The following SLC9A8 variants were observed in gnomAD, a reference collection of about 807,000 sequenced individuals.
SLC9A8 encodes the protein sodium/hydrogen exchanger 8.
Under a neutral mutation model 66.6 loss-of-function variants are expected in SLC9A8, and 48 were observed. The ratio of observed to expected loss-of-function variants is 0.72; its 90% CI spans 0.57 to 0.92. The LOEUF (loss-of-function observed/expected upper bound fraction) is 0.92. Among genes scored for constraint, SLC9A8 ranks in the 40% least tolerant of loss-of-function variants. SLC9A8 has a pLI of 0.00. For missense variants in SLC9A8, 599 were observed against 747.3 expected (o/e 0.80, Z 2.31); for synonymous variants, 274 against 282.6 (o/e 0.97, Z 0.31).
At chr20:49,867,300 C>T (rs765387262) in intron 10 of SLC9A8, among the ~76,000 whole-genome samples, 1 of 152,120 alleles carries the variant, frequency 6.6e-6, no homozygotes, top group Non-Finnish European at 1.5e-5. Context: ...TCTTCTGGCA[C>T]GTATCTAAGT....
chr20:49,823,241 C>A, intron 3 of SLC9A8, 100 bp downstream of exon 3: 1 of 885,952 alleles, frequency 1.1e-6, no homozygotes, highest in South Asian at 1.4e-5. Flanking sequence ...TGCATCACAT[C>A]CCTGATCTCA....
At chr20:49,877,035 C>T (rs2089451322) in intron 11 of SLC9A8, among the ~76,000 whole-genome samples, 1 of 151,724 alleles carries the variant, frequency 6.6e-6, no homozygotes, top group Non-Finnish European at 1.5e-5. Flanking sequence ...TGCTTGTAAT[C>T]CCAGCACTTT....
chr20:49,887,008 C>G lies in SLC9A8; in HGVS notation c.1638+110C>G, dbSNP rs368213216. 13 of 1,264,616 alleles carry G rather than the reference C, an allele frequency of 1.0e-5. 1 individual carries two copies. The Middle Eastern group carries it at 1.2e-3, about 121-fold the overall frequency. 78.3% of individuals were successfully genotyped at this position (1,264,616 alleles called of 1,614,324 possible). A position where few individuals can be genotyped will look rare whatever the true frequency, so the allele number is the denominator to read the frequency against. ...AAGAGTGGGGAGGCAGGAAAGCTCA[C>G]GTGGGCCCGCCAGGCCGCCGCCTCC... is the stretch of plus-strand genomic sequence containing the variant. On this transcript the variant is annotated intron_variant, in intron 15 of 15. Transcript: ENST00000361573.
chr20:49,864,820 C>T lies in SLC9A8; in HGVS notation c.934C>T (p.Leu312Phe). ...MIIFAYLPYG[L>F]AEGISLSGIM... ...CATTTTTGCTTATCTGCCTTATGGG[C>T]TTGCAGAAGGAATCTCACTCTCAGG... Residue 312 changes from leucine to phenylalanine, a missense_variant, in exon 10 of 16, where the codon CTT becomes TTT. Physicochemically the swap from Leu to Phe is conservative, Grantham distance 22. Around this residue, in one of 2 missense-constraint regions of SLC9A8, gnomAD observed 467 missense variants for 626.5 expected, o/e 0.75. Coordinates refer to ENST00000361573, the MANE Select transcript of SLC9A8 (RefSeq NM_015266.3). 6.2e-7 allele frequency: 1 copy of T among 1,612,738 alleles called. No individual in the cohort carries two copies.
intron 10 of SLC9A8, among the ~76,000 whole-genome samples, chr20:49,872,675 C>T (rs576417078): frequency 2.6e-5 from 4 of 152,082 alleles, no homozygotes; most frequent in East Asian, 3.9e-4. Flanking sequence ...TTAGTAGAGA[C>T]GGGGTTTCAC....
intron 14 of SLC9A8, 155 bp downstream of exon 14, chr20:49,884,221 CACACA>C (rs1176250128): frequency 1.1e-4 from 33 of 288,958 alleles, no homozygotes; most frequent in Admixed American, 2.6e-4. Context: ...CACACACACA[CACACA>C]CACACACACA....
rs1439060123 is a variant in SLC9A8 at position 49,823,128 on chromosome 20, TG to T, written c.277del (p.Val93LeufsTer4). 2 of 1,611,990 alleles carry T rather than the reference TG, an allele frequency of 1.2e-6. No individual in the cohort carries two copies. Among genetic ancestry groups the T allele is most frequent in the Non-Finnish European group, 1.7e-6 (2 of 1,178,798 alleles). ...TACATTTCTTGCCAGAGAGTGTTGC[TG>T]TTGTTTCTTTAGGTAAGTGTGTATT... ...RLHFLPESVA[V>X]VSLGILMGAV... On this transcript the variant is annotated frameshift_variant, in exon 3 of 16. Coordinates refer to ENST00000361573, the MANE Select transcript of SLC9A8 (RefSeq NM_015266.3). LOFTEE classifies it high-confidence loss of function.
intron 3 of SLC9A8, among the ~76,000 whole-genome samples, chr20:49,831,433 G>GTCTC (rs72028031): frequency 2.4e-5 from 3 of 125,180 alleles, no homozygotes; most frequent in African/African-American, 8.9e-5. Context: ...CTCTCTCTCT[G>GTCTC]TCTCTCTCTC....
Position 49,888,169 on chromosome 20 carries a change from G to A in SLC9A8, c.*233G>A, listed in dbSNP as rs546633614. ...CCGACTCCTCCCTGAGCCAGCCTCC[G>A]CTCAGTGTGGCTCCTCAGCCCACAG... On this transcript the variant is annotated 3_prime_UTR_variant, in exon 16 of 16. Coordinates refer to ENST00000361573, the MANE Select transcript of SLC9A8 (RefSeq NM_015266.3). The A allele has an allele frequency of 6.5e-5, 29 of 446,464 alleles. No individual in the cohort carries two copies. Among genetic ancestry groups the A allele is most frequent in the African/African-American group, 4.3e-4 (21 of 49,034 alleles). The allele number at this position is 446,464 out of a possible 1,614,324, so 27.7% of individuals were successfully genotyped here.
Position 49,815,155 on chromosome 20 carries a change from C to G in SLC9A8, c.174C>G (p.Ser58Arg). 1 of 1,581,320 alleles carries G rather than the reference C, an allele frequency of 6.3e-7. No individual in the cohort carries two copies. The highest frequency in any genetic ancestry group is 8.6e-7 in the Non-Finnish European group (1 of 1,163,036). The change falls in exon 2 of 16, where the codon AGC becomes AGG. Residue 58 changes from serine to arginine, a missense_variant. Physicochemically the swap from Ser to Arg is moderately radical, Grantham distance 110 (BLOSUM62 -1). This residue lies in a region of SLC9A8 where 132 missense variants were observed against 120.9 expected (regional missense o/e 1.09). Transcript: ENST00000361573. ...GEQAQQEEQSSGMTIFFSLLV... is the reference protein window; with the variant it reads ...GEQAQQEEQSRGMTIFFSLLV... ...AGGCCCAGCAAGAGGAGCAGTCCAGCGGCATGACCATTTTCTTCAGCCTCC... is the reference window on the plus strand; with the variant it reads ...AGGCCCAGCAAGAGGAGCAGTCCAGGGGCATGACCATTTTCTTCAGCCTCC...
chr20:49,843,203 G>A (rs2087837829), intron 4 of SLC9A8, among the ~76,000 whole-genome samples: 1 of 151,870 alleles, frequency 6.6e-6, no homozygotes, highest in East Asian at 1.9e-4. Flanking sequence ...GGGTGGGGGG[G>A]GCTAGTTTTT....
At chr20:49,842,920 G>A (rs2087825958) in intron 4 of SLC9A8, among the ~76,000 whole-genome samples, 1 of 152,164 alleles carries the variant, frequency 6.6e-6, no homozygotes, top group South Asian at 2.1e-4. Context: ...TCCTTGGCTT[G>A]TGGCCGCATC....
Position 49,834,177 on chromosome 20 carries a change from CTCTCTCTCTATATATATATA to C in SLC9A8, c.290-5362_290-5343del, listed in dbSNP as rs1277524831. Reference sequence around the variant, plus strand: ...TCTCTCTCTCTCTCTCTCTCTCTCTCTCTCTCTCTATATATATATATATATATATATATATATACACACAC... The same window carrying C: ...TCTCTCTCTCTCTCTCTCTCTCTCTCTATATATATATATATATACACACAC... On this transcript the variant is annotated intron_variant, in intron 3 of 15. Transcript: ENST00000361573. Among the ~76,000 whole-genome samples, 61 of 56,972 alleles carry C rather than the reference CTCTCTCTCTATATATATATA, an allele frequency of 1.1e-3. 1 individual carries two copies. The highest frequency in any genetic ancestry group is 3.5e-3 in the African/African-American group (52 of 14,724). 37.4% of individuals were successfully genotyped at this position (56,972 alleles called of 152,430 possible).
rs1289848051 is a variant in SLC9A8, at chr20:49,891,932, G to A, written c.*3996G>A. 6.6e-6 allele frequency: 1 copy of A among 152,148 alleles called. No homozygotes were observed. Among genetic ancestry groups the A allele is most frequent in the Non-Finnish European group, 1.5e-5 (1 of 68,026 alleles). 9.4% of individuals were successfully genotyped at this position (152,148 alleles called of 1,614,324 possible). A position where few individuals can be genotyped will look rare whatever the true frequency, so the allele number is the denominator to read the frequency against. On this transcript the variant is annotated 3_prime_UTR_variant, in exon 16 of 16. Coordinates refer to ENST00000361573, the MANE Select transcript of SLC9A8 (RefSeq NM_015266.3). ...TACATTCCTTTTCATCATTTCCTTTGTAAAAATGACGAGTGCTGGGTTTTT... is the reference window on the plus strand; with the variant it reads ...TACATTCCTTTTCATCATTTCCTTTATAAAAATGACGAGTGCTGGGTTTTT...
At chr20:49,882,817 A>G (rs1347251095) in intron 13 of SLC9A8, among the ~76,000 whole-genome samples, 3 of 152,160 alleles carry the variant, frequency 2.0e-5, no homozygotes, top group Non-Finnish European at 1.5e-5. Flanking sequence ...GGCCCGTGAC[A>G]GGTTTAGAGA....
chr20:49,855,606 C>CT lies in SLC9A8; in HGVS notation c.713+31dup, dbSNP rs771885884. On this transcript the variant is annotated intron_variant, in intron 8 of 15. Transcript: ENST00000361573. ...AGTAAGTACGGGGGCAGAGAACAGA[C>CT]TTTTTTCATGTGACAGAACTAAAGG... 1.7e-5 allele frequency: 27 copies of CT among 1,608,434 alleles called. No individual in the cohort carries two copies. In the Admixed American group the frequency reaches 4.2e-4, roughly 25 times the overall value.
chr20:49,830,720 C>A, intron 3 of SLC9A8: 1 of 698,690 alleles, frequency 1.4e-6, no homozygotes. Context: ...GTGAAGTTGG[C>A]AACGCAGCCA....
At chr20:49,822,708 G>A (rs1356126365) in intron 2 of SLC9A8, among the ~76,000 whole-genome samples, 1 of 152,142 alleles carries the variant, frequency 6.6e-6, no homozygotes, top group Non-Finnish European at 1.5e-5. Flanking sequence ...AATCACCTGA[G>A]CCTGGGAAGT....
chr20:49,860,926 G>A (rs548985438), intron 8 of SLC9A8, among the ~76,000 whole-genome samples: 9 of 152,300 alleles, frequency 5.9e-5, no homozygotes, highest in African/African-American at 1.9e-4. Flanking sequence ...AATGAGGCAC[G>A]ACAGTTTCCC....
Sources: allele counts gnomAD v4.1 joint callset (sites outside exome capture counted in the v4.1 genomes callset), GRCh38; gene constraint gnomAD v4.1.1; regional missense constraint gnomAD v4.1.1; transcripts MANE v1.5; gene names NCBI Gene and HGNC (gene_info 2026-07-23, HGNC 2026-07-21).